The following AACS variants were observed in gnomAD, a reference collection of about 807,000 sequenced individuals.
The protein encoded by AACS is acetoacetate-CoA ligase.
AACS carries 69 observed loss-of-function variants against 83.1 expected under a neutral mutation model. That is an observed-to-expected ratio of 0.83 (90% CI 0.68 to 1.01). The LOEUF (loss-of-function observed/expected upper bound fraction) is 1.01, where lower values mean the gene tolerates loss of function less well. Among genes scored for constraint, AACS ranks in the 50% least tolerant of loss-of-function variants. The probability of loss-of-function intolerance (pLI) is 0.00; values close to 1 mark genes in which losing one functional copy is unlikely to be tolerated. For synonymous variants in AACS, 333 were observed against 343.4 expected (o/e 0.97, Z 0.33); for missense variants, 866 against 882.2 (o/e 0.98, Z 0.23).
At chr12:125,134,688 G>T in intron 15 of AACS, 106 bp from the exon 16 acceptor site, 1 of 1,261,482 alleles carries the variant, frequency 7.9e-7, no homozygotes, top group East Asian at 2.4e-5. Flanking sequence ...GACTAGTCCT[G>T]GGGGATGCCA....
chr12:125,109,803 G>C (rs1445911356), intron 8 of AACS, among the ~76,000 whole-genome samples: 1 of 152,138 alleles, frequency 6.6e-6, no homozygotes, highest in Admixed American at 6.5e-5. Context: ...TTTTCAAAGA[G>C]CCCAGGCTCC....
rs189479711 is a variant in AACS, at chr12:125,074,504, G to A, written c.237+525G>A. ...TGAGGCTGCAGTGAGCTGTGACTGC[G>A]CCACTGCACTCCAGCCTGGGCAATA... On this transcript the variant is annotated intron_variant, in intron 2 of 17. Coordinates refer to ENST00000316519, the MANE Select transcript of AACS (RefSeq NM_023928.5). Among the ~76,000 whole-genome samples, 483 of 151,944 alleles carry A rather than the reference G, an allele frequency of 3.2e-3. 5 individuals are homozygous for A. The highest frequency in any genetic ancestry group is 0.023 in the Admixed American group (356 of 15,240).
At chr12:125,078,171 C>T (rs953298962) in intron 3 of AACS, 2 of 456,216 alleles carry the variant, frequency 4.4e-6, no homozygotes, top group African/African-American at 4.0e-5. Flanking sequence ...GGCCTCCCTT[C>T]TGCCATCGTG....
At chr12:125,139,897 A>G (rs1957454987) in intron 17 of AACS, 4 of 152,092 alleles carry the variant, frequency 2.6e-5, no homozygotes, top group African/African-American at 9.7e-5. Context: ...TGGTGAGTGA[A>G]TGGGGGGTGG....
At chr12:125,121,397 A>C (rs1957150545) in intron 10 of AACS, 2 of 152,292 alleles carry the variant, frequency 1.3e-5, no homozygotes, top group Non-Finnish European at 2.9e-5. Flanking sequence ...GGCAAGAGGC[A>C]TGCGGGGCAG....
In AACS at chr12:125,107,023, G is replaced by A. The variant is rs77193533; in HGVS notation, c.768-98G>A. On this transcript the variant is annotated intron_variant, in intron 7 of 17. Coordinates refer to ENST00000316519, the MANE Select transcript of AACS (RefSeq NM_023928.5). ...GTCCCCCTGGAATCCTGGCTTTTCT[G>A]GGGGTAGAAACAGAGGGAAGTGCAC... The A allele has an allele frequency of 0.043, 66,295 of 1,540,938 alleles. 1,756 individuals are homozygous for A. Among genetic ancestry groups the A allele is most frequent in the African/African-American group, 0.1 (7,426 of 73,388 alleles).
intron 2 of AACS, among the ~76,000 whole-genome samples, chr12:125,075,574 G>A (rs1169041023): frequency 1.3e-5 from 2 of 150,838 alleles, no homozygotes; most frequent in East Asian, 1.9e-4. Flanking sequence ...TTACAGGCGT[G>A]AGCCACTGTG....
At chr12:125,102,835 G>A (rs754085533) in intron 6 of AACS, 42 bp downstream of exon 6, 1 of 1,581,196 alleles carries the variant, frequency 6.3e-7, no homozygotes, top group South Asian at 1.1e-5. Context: ...GGCTGGGTGT[G>A]TGTGTGGGTA....
chr12:125,115,651 C>T (rs887334832), intron 9 of AACS, among the ~76,000 whole-genome samples: 8 of 152,176 alleles, frequency 5.3e-5, no homozygotes, highest in African/African-American at 1.9e-4. Flanking sequence ...TTATGAGAGA[C>T]TCCCCACAGA....
intron 1 of AACS, among the ~76,000 whole-genome samples, chr12:125,070,730 TC>T (rs1458348721): frequency 1.3e-5 from 2 of 152,192 alleles, no homozygotes; most frequent in Non-Finnish European, 2.9e-5. Flanking sequence ...CTCTCAGTAA[TC>T]CTACCAAGTA....
chr12:125,084,842 A>C (rs1956294348), intron 3 of AACS, among the ~76,000 whole-genome samples: 1 of 152,104 alleles, frequency 6.6e-6, no homozygotes. Flanking sequence ...TTGGCCTCCC[A>C]AAGCGCTGGC....
chr12:125,131,827 G>T lies in AACS; in HGVS notation c.1550-2176G>T, dbSNP rs181521570. Among the ~76,000 whole-genome samples the T allele has an allele frequency of 1.9e-4, 29 of 152,232 alleles. 1 individual carries two copies. In the East Asian group the frequency reaches 5.6e-3, roughly 29 times the overall value. ...TTAGCCAGGCTGGTCTCAAACTCCTGATCTTGTGATCCACCCACCTCGGCC... is the reference window on the plus strand; with the variant it reads ...TTAGCCAGGCTGGTCTCAAACTCCTTATCTTGTGATCCACCCACCTCGGCC... On this transcript the variant is annotated intron_variant, in intron 14 of 17. Coordinates refer to ENST00000316519, the MANE Select transcript of AACS (RefSeq NM_023928.5).
intron 15 of AACS, among the ~76,000 whole-genome samples, chr12:125,134,529 C>T (rs1202050710): frequency 6.6e-6 from 1 of 152,166 alleles, no homozygotes; most frequent in African/African-American, 2.4e-5. Context: ...AAAGGCACAG[C>T]AGTGTCCACA....
intron 3 of AACS, 35 bp downstream of exon 3, chr12:125,076,646 G>A (rs539389583): frequency 1.4e-5 from 22 of 1,612,554 alleles, no homozygotes; most frequent in South Asian, 5.5e-5. Context: ...GATTTCCTCC[G>A]TGGAAGTTCT....
chr12:125,137,794 G>C (rs755736408), intron 17 of AACS, among the ~76,000 whole-genome samples: 1 of 152,184 alleles, frequency 6.6e-6, no homozygotes, highest in African/African-American at 2.4e-5. Flanking sequence ...ACAGTGGCAG[G>C]CTGTATTTGA....
intron 8 of AACS, among the ~76,000 whole-genome samples, chr12:125,107,840 G>A (rs73231663): frequency 0.084 from 12,760 of 152,202 alleles, 804 homozygotes; most frequent in African/African-American, 0.17. Flanking sequence ...GCACATGCCT[G>A]TAGTCTGAGC....
chr12:125,073,724 A>G lies in AACS; in HGVS notation c.134-152A>G, dbSNP rs1449161568. ...GACTAGTGGTGTTGGGTTTGCGTCA[A>G]TACAAATTAAGCTCCTTCCTCCCCC... is the stretch of plus-strand genomic sequence containing the variant. On this transcript the variant is annotated intron_variant, in intron 1 of 17. Coordinates refer to ENST00000316519, the MANE Select transcript of AACS (RefSeq NM_023928.5). 4.9e-6 allele frequency: 3 copies of G among 610,426 alleles called. No homozygotes were observed. The East Asian group carries it at 8.5e-5, about 17-fold the overall frequency. 37.8% of individuals were successfully genotyped at this position (610,426 alleles called of 1,614,324 possible).
chr12:125,091,449 G>A lies in AACS; in HGVS notation c.496G>A (p.Ala166Thr). Residue 166 changes from alanine to threonine, a missense_variant, in exon 5 of 18, where the codon GCT becomes ACT. Ala to Thr is a moderately conservative substitution (Grantham distance 58, BLOSUM62 0). Coordinates refer to ENST00000316519, the MANE Select transcript of AACS (RefSeq NM_023928.5). ...VVGYLPNSEH[A>T]VEAMLAAASI... is the part of the protein sequence containing the mutation. The stretch of plus-strand genomic sequence containing the variant: ...AGGTTATTTACCCAACAGTGAGCAC[G>A]CTGTCGAGGCGATGCTGGCTGCGGC... The A allele has an allele frequency of 6.2e-7, 1 of 1,614,196 alleles. No homozygotes were observed. Among genetic ancestry groups the A allele is most frequent in the Non-Finnish European group, 8.5e-7 (1 of 1,180,030 alleles).
intron 4 of AACS, among the ~76,000 whole-genome samples, chr12:125,090,317 C>T (rs1000691135): frequency 9.2e-5 from 2 of 21,736 alleles, no homozygotes; most frequent in African/African-American, 3.2e-4. Flanking sequence ...ATCCATCCAT[C>T]CAACTGTCTA....
Sources: gnomAD v4.1 joint callset for allele counts (sites outside exome capture counted in the v4.1 genomes callset) on GRCh38, gnomAD v4.1.1 for gene constraint, MANE v1.5 for transcripts, NCBI Gene and HGNC (gene_info 2026-07-23, HGNC 2026-07-21) for gene names.